The following SRSF4 variants were observed in gnomAD, a reference collection of about 807,000 sequenced individuals.
The protein encoded by SRSF4 is serine and arginine rich splicing factor 4, also known as serine/arginine-rich splicing factor 4.
A neutral mutation model predicts 48.8 loss-of-function variants in SRSF4; 12 were observed. The observed-to-expected ratio is 0.25, with a 90% CI of 0.16 to 0.40. The LOEUF (loss-of-function observed/expected upper bound fraction) is 0.40, where lower values mean the gene tolerates loss of function less well. Ranked by LOEUF, SRSF4 falls within the 10% of genes least tolerant of loss-of-function variation. The pLI is 1.00. For missense variants in SRSF4, 466 were observed against 667.1 expected (o/e 0.70, Z 3.32); for synonymous variants, 248 against 232.5 (o/e 1.07, Z -0.61).
intron 3 of SRSF4, among the ~76,000 whole-genome samples, chr1:29,158,808 G>C (rs1672544958): frequency 6.6e-6 from 1 of 152,132 alleles, no homozygotes; most frequent in Admixed American, 6.5e-5. Flanking sequence ...CTCCAGCCTA[G>C]GCAACAGAGA....
intron 1 of SRSF4, among the ~76,000 whole-genome samples, chr1:29,163,990 T>G (rs549644386): frequency 6.6e-6 from 1 of 152,346 alleles, no homozygotes; most frequent in East Asian, 1.9e-4. Flanking sequence ...ATCAAAAGCA[T>G]GACAGGTTAA....
chr1:29,173,466 CTTTT>C (rs748265951), intron 1 of SRSF4: 14 of 73,094 alleles, frequency 1.9e-4, no homozygotes, highest in African/African-American at 5.2e-4. Flanking sequence ...TTTTTTTTTT[CTTTT>C]TTTTTTTTTT....
At position 29,181,896 on chromosome 1, in the gene SRSF4, CA is replaced by C; in HGVS notation, c.-145del. 1 of 557,024 alleles carries C rather than the reference CA, an allele frequency of 1.8e-6. No homozygotes were observed. The highest frequency in any genetic ancestry group is 2.8e-6 in the Non-Finnish European group (1 of 360,216). 34.5% of individuals were successfully genotyped at this position (557,024 alleles called of 1,614,324 possible). ...GCCGAACCCCGGCGACGTACGCGAG[CA>C]CGCAGCTCGCGAGCGCGCGCTTCCA... On this transcript the variant is annotated 5_prime_UTR_variant, in exon 1 of 6. Transcript: ENST00000373795.
intron 4 of SRSF4, among the ~76,000 whole-genome samples, chr1:29,151,640 C>G (rs1230463537): frequency 6.6e-6 from 1 of 152,198 alleles, no homozygotes; most frequent in Non-Finnish European, 1.5e-5. Context: ...AAAAACCCAG[C>G]TATAAAGACA....
chr1:29,168,323 G>A (rs1403694728), intron 1 of SRSF4, among the ~76,000 whole-genome samples: 2 of 151,804 alleles, frequency 1.3e-5, no homozygotes, highest in Non-Finnish European at 2.9e-5. Flanking sequence ...GAGCCACCAT[G>A]CCCGGCCTTC....
At chr1:29,156,816 A>G (rs1672507729) in intron 3 of SRSF4, among the ~76,000 whole-genome samples, 1 of 152,234 alleles carries the variant, frequency 6.6e-6, no homozygotes, top group Non-Finnish European at 1.5e-5. Context: ...TTAAGAGTGC[A>G]TAAAGAGTGG....
chr1:29,164,785 T>C (rs1672645542), intron 1 of SRSF4, among the ~76,000 whole-genome samples: 2 of 152,192 alleles, frequency 1.3e-5, no homozygotes, highest in East Asian at 1.9e-4. Flanking sequence ...TCCTCCCCTA[T>C]GCATATGAAA....
chr1:29,172,302 T>A (rs1272010454), intron 1 of SRSF4: 1 of 152,124 alleles, frequency 6.6e-6, no homozygotes, highest in African/African-American at 2.4e-5. Flanking sequence ...TTATTTTTAT[T>A]TTTTATTTTT....
At chr1:29,181,352 C>T (rs1330483124) in intron 1 of SRSF4, among the ~76,000 whole-genome samples, 1 of 152,236 alleles carries the variant, frequency 6.6e-6, no homozygotes, top group Non-Finnish European at 1.5e-5. Flanking sequence ...GTCTCCCGGG[C>T]GCCCTGGAGC....
chr1:29,161,864 A>G (rs1223168092), intron 1 of SRSF4, among the ~76,000 whole-genome samples: 3 of 152,368 alleles, frequency 2.0e-5, no homozygotes, highest in Admixed American at 6.5e-5. Context: ...AAGCGCTAGG[A>G]TTATAGGCGT....
intron 3 of SRSF4, among the ~76,000 whole-genome samples, chr1:29,155,521 G>A (rs1412534795): frequency 1.3e-5 from 2 of 152,162 alleles, no homozygotes; most frequent in Non-Finnish European, 2.9e-5. Context: ...ACAGAGTCTT[G>A]CTTTGTCGCT....
intron 1 of SRSF4, among the ~76,000 whole-genome samples, chr1:29,168,219 CAG>C (rs1672696974): frequency 7.0e-6 from 1 of 142,254 alleles, no homozygotes; most frequent in Admixed American, 7.1e-5. Flanking sequence ...TTAGGAGAGA[CAG>C]GGTTTCACCA....
At chr1:29,159,541 T>A in intron 2 of SRSF4, 55 bp from the exon 3 acceptor site, 1 of 1,293,112 alleles carries the variant, frequency 7.7e-7, no homozygotes, top group Non-Finnish European at 1.1e-6. Flanking sequence ...GGAAAAAAAA[T>A]GACACAGCAC....
At chr1:29,160,133 A>C (rs751249151) in intron 2 of SRSF4, 36 of 418,276 alleles carry the variant, frequency 8.6e-5, no homozygotes, top group African/African-American at 2.9e-4. Context: ...AACAACAACA[A>C]CACAAACACA....
chr1:29,169,684 A>C (rs1260269799), intron 1 of SRSF4: 1 of 152,192 alleles, frequency 6.6e-6, no homozygotes, highest in Non-Finnish European at 1.5e-5. Context: ...AAAGTAAACC[A>C]ACTGCTGAAA....
At chr1:29,160,965 T>C (rs1672586171) in intron 1 of SRSF4, among the ~76,000 whole-genome samples, 1 of 152,236 alleles carries the variant, frequency 6.6e-6, no homozygotes, top group African/African-American at 2.4e-5. Context: ...TTGAATCATG[T>C]GAAAGTAAAA....
intron 3 of SRSF4, among the ~76,000 whole-genome samples, chr1:29,158,168 C>CAA (rs1054022869): frequency 2.6e-5 from 3 of 116,014 alleles, no homozygotes; most frequent in Non-Finnish European, 3.7e-5. Flanking sequence ...GACTCCATCT[C>CAA]AAAAAAAAAA....
chr1:29,151,407 G>A (rs1672405923), intron 4 of SRSF4, among the ~76,000 whole-genome samples: 1 of 152,216 alleles, frequency 6.6e-6, no homozygotes, highest in African/African-American at 2.4e-5. Context: ...TGAGGCAGTA[G>A]GATAGCTTGA....
chr1:29,147,949 T>A lies in SRSF4; in HGVS notation c.*461A>T, dbSNP rs557338831. 17 of 403,670 alleles carry A rather than the reference T, an allele frequency of 4.2e-5. No individual in the cohort carries two copies. The highest frequency in any genetic ancestry group is 8.1e-5 in the Non-Finnish European group (16 of 198,576). 25.0% of individuals were successfully genotyped at this position (403,670 alleles called of 1,614,324 possible). A position where few individuals can be genotyped will look rare whatever the true frequency, so the allele number is the denominator to read the frequency against. On this transcript the variant is annotated 3_prime_UTR_variant, in exon 6 of 6. Coordinates refer to ENST00000373795, the MANE Select transcript of SRSF4 (RefSeq NM_005626.5). ...TATCAATTTTCCTCGACTGTGCTAT[T>A]CACAACTTTGTTAAGTCCAAAAATA...
Sources: gnomAD v4.1 joint callset for allele counts (sites outside exome capture counted in the v4.1 genomes callset) on GRCh38, gnomAD v4.1.1 for gene constraint, MANE v1.5 for transcripts, NCBI Gene and HGNC (gene_info 2026-07-23, HGNC 2026-07-21) for gene names.